The following PTPN7 variants were observed in gnomAD, a reference collection of about 807,000 sequenced individuals.
PTPN7 encodes protein tyrosine phosphatase non-receptor type 7.
In PTPN7, 33 loss-of-function variants were observed where a neutral mutation model predicts 50.3. The ratio of observed to expected loss-of-function variants is 0.66; its 90% CI spans 0.50 to 0.88. PTPN7 has a LOEUF of 0.88. Among genes scored for constraint, PTPN7 ranks in the 40% least tolerant of loss-of-function variants. PTPN7 has a pLI of 0.00. For synonymous variants in PTPN7, 185 were observed against 186.6 expected, an observed-to-expected ratio of 0.99 and a Z score of 0.07; for missense variants, 412 against 475.4, an observed-to-expected ratio of 0.87 and a Z score of 1.24.
chr1:202,159,131 T>C lies in PTPN7; in HGVS notation c.122+150A>G. ...TCCAGACATGCAAAAGACATGCAAA[T>C]GAGCACTACTGGTTTCCTTTCCAAA... On this transcript the variant is annotated intron_variant, in intron 2 of 9. Transcript: ENST00000691036. This position sits in a 1 kb window ranked among gnomAD's most constrained non-coding sequence, Gnocchi z 4.6. 1.4e-6 allele frequency: 1 copy of C among 698,342 alleles called. No homozygotes were observed. Among genetic ancestry groups the C allele is most frequent in the East Asian group, 2.6e-5 (1 of 38,808 alleles). 43.3% of individuals were successfully genotyped at this position (698,342 alleles called of 1,614,324 possible). A position where few individuals can be genotyped will look rare whatever the true frequency, so the allele number is the denominator to read the frequency against.
Position 202,159,212 on chromosome 1 carries a change from A to G in PTPN7, c.122+69T>C, listed in dbSNP as rs987482457. ...CCTGCTGTCAGAGCTGGAGGGGCAGATGGAAGGAAGGGAGGAGCGGAATGG... is the reference window on the plus strand; with the variant it reads ...CCTGCTGTCAGAGCTGGAGGGGCAGGTGGAAGGAAGGGAGGAGCGGAATGG... On this transcript the variant is annotated intron_variant, in intron 2 of 9. Transcript: ENST00000691036. This position sits in a 1 kb window ranked among gnomAD's most constrained non-coding sequence, Gnocchi z 4.6. 6.7e-7 allele frequency: 1 copy of G among 1,502,214 alleles called. No individual in the cohort carries two copies. The highest frequency in any genetic ancestry group is 2.3e-5 in the East Asian group (1 of 44,222). 93.1% of individuals were successfully genotyped at this position (1,502,214 alleles called of 1,614,324 possible).
chr1:202,154,160 T>C (rs751457928), intron 6 of PTPN7, 26 bp downstream of exon 6: 2 of 1,613,502 alleles, frequency 1.2e-6, no homozygotes, highest in South Asian at 2.2e-5. Context: ...TCTGGGTTCA[T>C]CATGAACTGT....
chr1:202,157,876 CCTT>C (rs1410881673), intron 3 of PTPN7, 53 bp from the exon 4 acceptor site: 71 of 1,542,432 alleles, frequency 4.6e-5, no homozygotes, highest in Non-Finnish European at 6.3e-5. Context: ...CCTTTTCTCT[CCTT>C]CTACCTTTTT....
chr1:202,157,855 ACTCCTAGCCTCCTTTT>A (rs1656859805), intron 3 of PTPN7, 32 bp from the exon 4 acceptor site: 1 of 1,581,540 alleles, frequency 6.3e-7, no homozygotes, highest in Non-Finnish European at 8.7e-7. Flanking sequence ...TGAGCAGCTG[ACTCCTAGCCTCCTTTT>A]CTCTCCTTCT....
rs914635788 is a variant in PTPN7, at chr1:202,160,312, G to T, written c.-53+233C>A. Among the ~76,000 whole-genome samples, 3 of 152,086 alleles carry T rather than the reference G, an allele frequency of 2.0e-5. No individual in the cohort carries two copies. Among genetic ancestry groups the T allele is most frequent in the Admixed American group, 6.5e-5 (1 of 15,272 alleles). On this transcript the variant is annotated intron_variant, in intron 1 of 9. Coordinates refer to ENST00000691036, the MANE Select transcript of PTPN7 (RefSeq NM_002832.4). The surrounding 1 kb of genome is among the most constrained non-coding windows in gnomAD (Gnocchi z 4.8). ...CACAGGTGTGAGTGGTAGAGCGAGG[G>T]TCTCTGGTAGCAGAAAAGGTCCCTT... is the stretch of plus-strand genomic sequence containing the variant.
chr1:202,157,382 G>A (rs1358410056), intron 4 of PTPN7, among the ~76,000 whole-genome samples: 1 of 152,070 alleles, frequency 6.6e-6, no homozygotes, highest in African/African-American at 2.4e-5. Flanking sequence ...GGAGGCGCAT[G>A]CCTGTAATCC....
upstream of PTPN7, chr1:202,161,160 C>T (rs1231209489): frequency 1.7e-6 from 2 of 1,175,402 alleles, no homozygotes; most frequent in Non-Finnish European, 2.1e-6. Context: ...AAGCAAGAAT[C>T]CATGCCTCAC....
chr1:202,161,584 C>T, upstream of PTPN7: 1 of 1,254,420 alleles, frequency 8.0e-7, no homozygotes, highest in South Asian at 1.3e-5. Flanking sequence ...CTCCTTTTAC[C>T]TTGTAACATT....
Position 202,159,704 on chromosome 1 carries a change from G to C in PTPN7, c.-52-250C>G. ...GATGAAGATAGGAAAGAATCCAGAAGGAGGAAAAGAGAGAGGGGAGAGAGG... is the reference window on the plus strand; with the variant it reads ...GATGAAGATAGGAAAGAATCCAGAACGAGGAAAAGAGAGAGGGGAGAGAGG... On this transcript the variant is annotated intron_variant, in intron 1 of 9. Coordinates refer to ENST00000691036, the MANE Select transcript of PTPN7 (RefSeq NM_002832.4). The surrounding 1 kb of genome is among the most constrained non-coding windows in gnomAD (Gnocchi z 4.6). 3 of 1,365,818 alleles carry C rather than the reference G, an allele frequency of 2.2e-6. No individual in the cohort carries two copies. 84.6% of individuals were successfully genotyped at this position (1,365,818 alleles called of 1,614,324 possible). A position where few individuals can be genotyped will look rare whatever the true frequency, so the allele number is the denominator to read the frequency against.
rs1253850011 is a variant in PTPN7 at position 202,159,523 on chromosome 1, A to G, written c.-52-69T>C. The stretch of plus-strand genomic sequence containing the variant: ...TTGGCCAGAAGGAGGCTCCCATGCC[A>G]GGCCAGGTTTGCACTCTGTTTTCAC... On this transcript the variant is annotated intron_variant, in intron 1 of 9. Coordinates refer to ENST00000691036, the MANE Select transcript of PTPN7 (RefSeq NM_002832.4). The surrounding 1 kb of genome is among the most constrained non-coding windows in gnomAD (Gnocchi z 4.6). 1.9e-6 allele frequency: 3 copies of G among 1,559,478 alleles called. No individual in the cohort carries two copies. Among genetic ancestry groups the G allele is most frequent in the East Asian group, 2.3e-5 (1 of 44,140 alleles).
In PTPN7 at chr1:202,152,564, C is replaced by A; in HGVS notation, c.853G>T (p.Gly285Trp). 1.9e-6 allele frequency: 3 copies of A among 1,613,290 alleles called. No individual in the cohort carries two copies. Among genetic ancestry groups the A allele is most frequent in the Non-Finnish European group, 1.7e-6 (2 of 1,179,966 alleles). ...EESPETAAHP[G>W]PIVVHCSAGI... ...CACCTGCAGTGGACTACGATAGGCC[C>A]GGGGTGGGCGGCTGTCTCCGGGCTC... is the stretch of plus-strand genomic sequence containing the variant. Residue 285 changes from glycine to tryptophan, a missense_variant, in exon 8 of 10, where the codon GGG (glycine) becomes TGG (tryptophan). Coordinates refer to ENST00000691036, the MANE Select transcript of PTPN7 (RefSeq NM_002832.4).
Position 202,160,598 on chromosome 1 carries a change from GGTCT to G in PTPN7, c.-110_-107del. 6.4e-7 allele frequency: 1 copy of G among 1,550,454 alleles called. No individual in the cohort carries two copies. Among genetic ancestry groups the G allele is most frequent in the Non-Finnish European group, 8.7e-7 (1 of 1,146,898 alleles). The stretch of plus-strand genomic sequence containing the variant: ...CTTGCCAGCTGTCTGTCTGTCTGTC[GGTCT>G]GTCTTTGAGGGCTGAGAAGGCTCCA... On this transcript the variant is annotated 5_prime_UTR_variant, in exon 1 of 10. Transcript: ENST00000691036. This position sits in a 1 kb window ranked among gnomAD's most constrained non-coding sequence, Gnocchi z 4.8.
chr1:202,160,046 G>GC lies in PTPN7; in HGVS notation c.-53+498dup, dbSNP rs373323068. 1.1e-3 allele frequency: 967 copies of GC among 919,886 alleles called. 6 individuals carry two copies. In the African/African-American group the frequency reaches 0.014, roughly 13 times the overall value. The allele number at this position is 919,886 out of a possible 1,614,324, so 57.0% of individuals were successfully genotyped here. A position where few individuals can be genotyped will look rare whatever the true frequency, so the allele number is the denominator to read the frequency against. On this transcript the variant is annotated intron_variant, in intron 1 of 9. Transcript: ENST00000691036. The surrounding 1 kb of genome is among the most constrained non-coding windows in gnomAD (Gnocchi z 4.8). Reference sequence around the variant, plus strand: ...CTGGAGGTGTTTCCTTCCTCCTCCTGCCCATCCCCCCGTCTCCCGCCTCTG... The same window carrying GC: ...CTGGAGGTGTTTCCTTCCTCCTCCTGCCCCATCCCCCCGTCTCCCGCCTCTG...
At chr1:202,152,974 C>T (rs183028373) in intron 7 of PTPN7, among the ~76,000 whole-genome samples, 1 of 152,178 alleles carries the variant, frequency 6.6e-6, no homozygotes, top group Admixed American at 6.5e-5. Flanking sequence ...GTCCCTTGAT[C>T]TCATTTTCTT....
rs369372152 is a variant in PTPN7, at chr1:202,157,773, G to A, written c.357C>T (p.His119=). The A allele has an allele frequency of 2.2e-5, 35 of 1,613,994 alleles. No homozygotes were observed. The highest frequency in any genetic ancestry group is 1.6e-4 in the Middle Eastern group (1 of 6,084). ...VSPEDLDIPG[H]ASKDRYKTIL... is the part of the protein sequence containing the mutation. ...TGGTCTTGTATCGGTCCTTGGAGGC[G>A]TGGCCAGGGATGTCCAGGTCTTCGG... Residue 119 remains histidine, a synonymous_variant, in exon 4 of 10, where the codon CAC becomes CAT. Coordinates refer to ENST00000691036, the MANE Select transcript of PTPN7 (RefSeq NM_002832.4).
intron 4 of PTPN7, among the ~76,000 whole-genome samples, chr1:202,157,434 G>C (rs981428039): frequency 6.6e-6 from 1 of 152,052 alleles, no homozygotes. Flanking sequence ...GCTTGAACCC[G>C]GGAGGCGGAG....
intron 6 of PTPN7, 32 bp from the exon 7 acceptor site, chr1:202,153,867 G>A: frequency 6.4e-7 from 1 of 1,556,558 alleles, no homozygotes; most frequent in Non-Finnish European, 8.9e-7. Flanking sequence ...GTCAGAAGAG[G>A]GTCAGCTGGA....
chr1:202,157,231 T>C (rs780007949), intron 4 of PTPN7, among the ~76,000 whole-genome samples: 4 of 152,236 alleles, frequency 2.6e-5, no homozygotes, highest in South Asian at 4.1e-4. Context: ...GGATTGAGGC[T>C]GGACGCGGTG....
rs139334268 is a variant in PTPN7, at chr1:202,156,700, C to T, written c.391+1039G>A. Among the ~76,000 whole-genome samples, 309 of 152,272 alleles carry T rather than the reference C, an allele frequency of 2.0e-3. 2 individuals are homozygous for T. The highest frequency in any genetic ancestry group is 7.0e-3 in the African/African-American group (291 of 41,534). ...TACTCCTCCCCCTGGCCTGGAATAG[C>T]GCTAATAGCACCTTGATCCGCCCAT... On this transcript the variant is annotated intron_variant, in intron 4 of 9. Coordinates refer to ENST00000691036, the MANE Select transcript of PTPN7 (RefSeq NM_002832.4).
Sources: allele counts gnomAD v4.1 joint callset (sites outside exome capture counted in the v4.1 genomes callset), GRCh38; gene constraint gnomAD v4.1.1; non-coding constraint Gnocchi (gnomAD v3.1); transcripts MANE v1.5; gene names NCBI Gene and HGNC (gene_info 2026-07-23, HGNC 2026-07-21).